Variants in LMLN observed in about 807,000 individuals in gnomAD.
The protein encoded by LMLN is leishmanolysin like peptidase, also known as leishmanolysin-like peptidase.
Under a neutral mutation model 92.3 loss-of-function variants are expected in LMLN, and 70 were observed. That is an observed-to-expected ratio of 0.76 (90% confidence interval 0.63 to 0.92). The LOEUF is 0.92. Among genes scored for constraint, LMLN ranks in the 40% least tolerant of loss-of-function variants. The pLI, the probability that LMLN is intolerant of heterozygous loss-of-function variation, is 0.00. For missense variants in LMLN, 691 were observed against 814.6 expected (o/e 0.85, Z 1.85); for synonymous variants, 308 against 296.2 (o/e 1.04, Z -0.41).
chr3:198,009,802 C>A (rs1411392031), intron 11 of LMLN, among the ~76,000 whole-genome samples: 1 of 152,164 alleles, frequency 6.6e-6, no homozygotes, highest in Non-Finnish European at 1.5e-5. Context: ...CTTTTGACAT[C>A]TGTAGGGTCT....
Position 198,025,171 on chromosome 3 carries a change from C to A in LMLN, c.1656+383C>A, listed in dbSNP as rs1426617464. On this transcript the variant is annotated intron_variant, in intron 14 of 15. Coordinates refer to ENST00000330198, the Ensembl canonical transcript of LMLN. This position sits in a 1 kb window ranked among gnomAD's most constrained non-coding sequence, Gnocchi z 4.3. ...GTAAATCAGGCTGGACGTGGTGGCT[C>A]ACGCCTGTAATCCCAGCACTTTGGG... 6.6e-6 allele frequency among the ~76,000 whole-genome samples: 1 copy of A among 152,138 alleles called. No individual in the cohort carries two copies. Among genetic ancestry groups the A allele is most frequent in the East Asian group, 1.9e-4 (1 of 5,192 alleles).
chr3:197,980,954 T>G (rs540493712), intron 6 of LMLN, among the ~76,000 whole-genome samples: 5 of 151,568 alleles, frequency 3.3e-5, no homozygotes, highest in Non-Finnish European at 7.4e-5. Flanking sequence ...AAAAATAAAA[T>G]TGGCCAGGTG....
chr3:198,020,768 A>ATTGTTTTTTTTTTTTTTTTT (rs1722756549), intron 12 of LMLN, among the ~76,000 whole-genome samples: 1 of 32,860 alleles, frequency 3.0e-5, no homozygotes, highest in African/African-American at 1.2e-4. Context: ...TAATTTTTGT[A>ATTGTTTTTTTTTTTTTTTTT]TTTTTTTTTT....
chr3:198,038,750 A>G (rs1723306285), exon 16 of LMLN: 11 of 1,021,058 alleles, frequency 1.1e-5, no homozygotes, highest in East Asian at 2.4e-5. Flanking sequence ...GTGCCAACCT[A>G]TGCAGATGGT....
chr3:198,010,530 A>C (rs1319309340), intron 11 of LMLN, among the ~76,000 whole-genome samples: 1 of 152,070 alleles, frequency 6.6e-6, no homozygotes, highest in Admixed American at 6.6e-5. Context: ...GGCTCACTGC[A>C]GCCTTGACCT....
At chr3:197,997,189 G>A (rs1271716038) in intron 10 of LMLN, among the ~76,000 whole-genome samples, 1 of 151,024 alleles carries the variant, frequency 6.6e-6, no homozygotes, top group Non-Finnish European at 1.5e-5. Context: ...GAGTACAGTG[G>A]CATGATTTCA....
In LMLN at chr3:197,986,751, AATGT is replaced by A. The variant is rs879854922; in HGVS notation, c.929+862_929+865del. ...GATAACGTGATAACAAATACAACAA[AATGT>A]TAATTACAGAATCTAGGTGAGCTGG... On this transcript the variant is annotated intron_variant, in intron 8 of 15. Transcript: ENST00000330198. 2.1e-3 allele frequency among the ~76,000 whole-genome samples: 321 copies of A among 152,314 alleles called. 3 individuals carry two copies. Among genetic ancestry groups the A allele is most frequent in the Non-Finnish European group, 1.2e-3 (79 of 68,024 alleles).
At chr3:198,027,305 G>A (rs916547885) in intron 14 of LMLN, among the ~76,000 whole-genome samples, 8 of 150,966 alleles carry the variant, frequency 5.3e-5, no homozygotes, top group African/African-American at 1.7e-4. Context: ...GGCTTTAGAC[G>A]TAATTGCTTT....
chr3:197,970,945 T>C (rs1011870045), intron 1 of LMLN, among the ~76,000 whole-genome samples: 4 of 152,238 alleles, frequency 2.6e-5, no homozygotes, highest in Non-Finnish European at 4.4e-5. Context: ...TTTCCTGTAG[T>C]GTAGGTCTGC....
Position 198,005,888 on chromosome 3 carries a change from G to A in LMLN, c.1232+6546G>A, listed in dbSNP as rs562299277. On this transcript the variant is annotated intron_variant, in intron 11 of 15. Transcript: ENST00000330198. ...TCCCAGCACTTTGGGAGGCCGAGGC[G>A]GGTGGGTCACTTGAGGTCAGGAGTT... 8.5e-5 allele frequency among the ~76,000 whole-genome samples: 13 copies of A among 152,114 alleles called. No homozygotes were observed. In the East Asian group the frequency reaches 1.9e-3, roughly 23 times the overall value.
intron 13 of LMLN, 33 bp downstream of exon 14, chr3:198,021,638 C>T: frequency 1.3e-6 from 2 of 1,575,314 alleles, no homozygotes; most frequent in South Asian, 2.2e-5. Flanking sequence ...GTATTATATA[C>T]ATATTAAAAT....
chr3:198,033,082 C>T (rs915221532), intron 14 of LMLN, among the ~76,000 whole-genome samples: 1 of 152,154 alleles, frequency 6.6e-6, no homozygotes, highest in African/African-American at 2.4e-5. Flanking sequence ...TACATCTACC[C>T]TCCTGCCCAC....
intron 11 of LMLN, among the ~76,000 whole-genome samples, chr3:198,015,745 C>T (rs1386103706): frequency 6.6e-6 from 1 of 152,198 alleles, no homozygotes; most frequent in African/African-American, 2.4e-5. Context: ...CCTAACTAGT[C>T]TGACTTCTCT....
At chr3:197,985,943 T>C in intron 8 of LMLN, 53 bp downstream of exon 8, 1 of 1,100,322 alleles carries the variant, frequency 9.1e-7, no homozygotes, top group Non-Finnish European at 1.4e-6. Flanking sequence ...GTGCTAAGAC[T>C]AGAATCTGAG....
intron 11 of LMLN, among the ~76,000 whole-genome samples, chr3:198,015,264 C>T (rs1473261803): frequency 3.5e-5 from 4 of 113,582 alleles, no homozygotes; most frequent in African/African-American, 1.0e-4. Context: ...CCTAACTAGT[C>T]TGACTTCTCT....
chr3:198,033,558 C>T (rs1228650798), intron 14 of LMLN, among the ~76,000 whole-genome samples: 4 of 151,832 alleles, frequency 2.6e-5, no homozygotes, highest in Non-Finnish European at 5.9e-5. Flanking sequence ...CCCACCATTA[C>T]GCCTGGCTAA....
At chr3:198,036,135 T>A in intron 15 of LMLN, 92 bp downstream of exon 16, 2 of 1,136,470 alleles carry the variant, frequency 1.8e-6, no homozygotes, top group Non-Finnish European at 2.6e-6. Context: ...AAGGAAGCTC[T>A]AAAACAAGTT....
rs138294831 is a variant in LMLN, at chr3:198,020,514, A to G, written c.1366-932A>G. Reference sequence around the variant, plus strand: ...TTCATAGGCATAGTGATATAACTCAATAAGTTGGTGGAAAACGTGACATCT... The same window carrying G: ...TTCATAGGCATAGTGATATAACTCAGTAAGTTGGTGGAAAACGTGACATCT... On this transcript the variant is annotated intron_variant, in intron 12 of 15. Transcript: ENST00000330198. Among the ~76,000 whole-genome samples the G allele has an allele frequency of 5.5e-3, 836 of 152,316 alleles. 3 individuals carry two copies. Among genetic ancestry groups the G allele is most frequent in the Non-Finnish European group, 7.3e-3 (495 of 68,028 alleles).
At chr3:197,973,541 T>A (rs1721289147) in intron 1 of LMLN, among the ~76,000 whole-genome samples, 1 of 152,142 alleles carries the variant, frequency 6.6e-6, no homozygotes, top group Non-Finnish European at 1.5e-5. Context: ...TGAGCCACCG[T>A]GTCTGGCCTC....
Sources: gnomAD v4.1 joint callset for allele counts (sites outside exome capture counted in the v4.1 genomes callset) on GRCh38, gnomAD v4.1.1 for gene constraint, Gnocchi (gnomAD v3.1) non-coding constraint, MANE v1.5 for transcripts, NCBI Gene and HGNC (gene_info 2026-07-23, HGNC 2026-07-21) for gene names.